Variants in NRXN3 observed in about 807,000 individuals in gnomAD.
The protein encoded by NRXN3 is neurexin 3.
In NRXN3, 32 loss-of-function variants were observed where a neutral mutation model predicts 137.6. That is an observed-to-expected ratio of 0.23 (90% CI 0.18 to 0.31). The LOEUF is 0.31. Ranked by LOEUF, NRXN3 falls within the 10% of genes least tolerant of loss-of-function variation. The probability of loss-of-function intolerance (pLI) is 1.00; values close to 1 mark genes in which losing one functional copy is unlikely to be tolerated. For synonymous variants in NRXN3, 798 were observed against 784.5 expected (o/e 1.02, Z -0.29); for missense variants, 1,574 against 2,062.5 (o/e 0.76, Z 4.59).
At chr14:78,675,241 CAGAAG>C (rs1307204190) in intron 6 of NRXN3, among the ~76,000 whole-genome samples, 1 of 152,152 alleles carries the variant, frequency 6.6e-6, no homozygotes, top group Admixed American at 6.5e-5. Flanking sequence ...GCATTGGAGA[CAGAAG>C]AGAATCTCCC....
intron 15 of NRXN3, among the ~76,000 whole-genome samples, chr14:79,184,807 C>A (rs1275785066): frequency 6.6e-6 from 1 of 152,130 alleles, no homozygotes; most frequent in African/African-American, 2.4e-5. Context: ...TATTGGCAAT[C>A]CCTAATGGAA....
At chr14:79,118,348 T>G (rs2054820871) in intron 15 of NRXN3, among the ~76,000 whole-genome samples, 1 of 152,234 alleles carries the variant, frequency 6.6e-6, no homozygotes, top group Non-Finnish European at 1.5e-5. Context: ...GGGCTGTGCC[T>G]TCTGAAACTT....
rs1567778489 is a variant in NRXN3 at position 78,943,629 on chromosome 14, T to TATAA, written c.2276-13610_2276-13609insAATA. Among the ~76,000 whole-genome samples the TATAA allele has an allele frequency of 5.7e-3, 68 of 11,840 alleles. 2 individuals are homozygous for TATAA. Among genetic ancestry groups the TATAA allele is most frequent in the African/African-American group, 0.026 (67 of 2,536 alleles). 7.8% of individuals were successfully genotyped at this position (11,840 alleles called of 152,430 possible). Reference sequence around the variant, plus strand: ...CACTGTTAAAAAAAAAAAATATATATATATATATATATATATATATATATA... The same window carrying TATAA: ...CACTGTTAAAAAAAAAAAATATATATATAAATATATATATATATATATATATATA... On this transcript the variant is annotated intron_variant, in intron 10 of 20. Coordinates refer to ENST00000335750, the MANE Select transcript of NRXN3 (RefSeq NM_001330195.2).
intron 20 of NRXN3, among the ~76,000 whole-genome samples, chr14:79,847,881 T>C (rs1376680235): frequency 7.2e-6 from 1 of 138,486 alleles, no homozygotes. Flanking sequence ...CCAGGAATTC[T>C]TTTTTTTTTT....
intron 17 of NRXN3, among the ~76,000 whole-genome samples, chr14:79,680,600 G>GT (rs2098665497): frequency 6.6e-6 from 1 of 151,978 alleles, no homozygotes; most frequent in Admixed American, 6.6e-5. Flanking sequence ...AGTATTCAAA[G>GT]GGTATTCATA....
intron 4 of NRXN3, among the ~76,000 whole-genome samples, chr14:78,512,075 A>G (rs1044098453): frequency 1.3e-5 from 2 of 152,138 alleles, no homozygotes; most frequent in South Asian, 2.1e-4. Context: ...GGTCACAATA[A>G]TTCCCCTTGC....
rs141178341 is a variant in NRXN3 at position 78,575,195 on chromosome 14, C to T, written c.758-69925C>T. Among the ~76,000 whole-genome samples the T allele has an allele frequency of 5.6e-3, 855 of 152,300 alleles. 6 individuals carry two copies. Among genetic ancestry groups the T allele is most frequent in the African/African-American group, 0.02 (815 of 41,550 alleles). The stretch of plus-strand genomic sequence containing the variant: ...ATGTGGAACTGTGAGTCAATTAAAC[C>T]TCTTTTCTTTGTACATTTATAAATT... On this transcript the variant is annotated intron_variant, in intron 4 of 20. Transcript: ENST00000335750.
chr14:78,567,875 G>A (rs1297722042), intron 4 of NRXN3, among the ~76,000 whole-genome samples: 2 of 152,024 alleles, frequency 1.3e-5, no homozygotes, highest in Admixed American at 6.5e-5. Context: ...ATTCATCTTC[G>A]TTGCCTGCAG....
At chr14:78,630,507 A>G (rs976356800) in intron 4 of NRXN3, among the ~76,000 whole-genome samples, 17 of 152,132 alleles carry the variant, frequency 1.1e-4, no homozygotes, top group African/African-American at 4.1e-4. Flanking sequence ...CATAGATCCT[A>G]CATAAATATT....
intron 15 of NRXN3, among the ~76,000 whole-genome samples, chr14:79,290,426 G>A (rs2082980325): frequency 6.6e-6 from 1 of 152,140 alleles, no homozygotes; most frequent in South Asian, 2.1e-4. Context: ...AAAGGAGGAG[G>A]AGACAGGCAG....
intron 15 of NRXN3, among the ~76,000 whole-genome samples, chr14:79,199,666 A>G (rs948511043): frequency 5.9e-5 from 9 of 152,230 alleles, no homozygotes; most frequent in African/African-American, 2.2e-4. Context: ...GAGGAAGACC[A>G]CCACTATTCC....
chr14:79,147,183 C>T (rs1283866254), intron 15 of NRXN3, among the ~76,000 whole-genome samples: 2 of 152,108 alleles, frequency 1.3e-5, no homozygotes, highest in Non-Finnish European at 2.9e-5. Context: ...TTCTCTTAAC[C>T]CTGCAGTGAC....
chr14:78,998,874 G>A (rs2099535830), intron 15 of NRXN3, among the ~76,000 whole-genome samples: 1 of 151,648 alleles, frequency 6.6e-6, no homozygotes, highest in East Asian at 1.9e-4. Flanking sequence ...AAAGTGCTGG[G>A]ATTACAGGCG....
chr14:78,334,699 C>G (rs910847009), intron 4 of NRXN3, among the ~76,000 whole-genome samples: 8 of 152,062 alleles, frequency 5.3e-5, no homozygotes, highest in African/African-American at 1.9e-4. Flanking sequence ...AGTTTACGTA[C>G]CACAGTCTGA....
At chr14:79,144,048 T>C (rs983557856) in intron 15 of NRXN3, among the ~76,000 whole-genome samples, 2 of 152,182 alleles carry the variant, frequency 1.3e-5, no homozygotes, top group African/African-American at 2.4e-5. Context: ...ACTTCATTGT[T>C]AGAAATAGCC....
intron 8 of NRXN3, among the ~76,000 whole-genome samples, chr14:78,787,221 T>C (rs2098791792): frequency 6.6e-6 from 1 of 152,178 alleles, no homozygotes; most frequent in African/African-American, 2.4e-5. Context: ...GTGAAACAAC[T>C]GCCAGGAAGA....
intron 4 of NRXN3, chr14:78,403,775 G>C: frequency 1.0e-6 from 1 of 985,498 alleles, no homozygotes; most frequent in Non-Finnish European, 1.2e-6. Context: ...TGAGGAATGT[G>C]GTGGTCCCTC....
chr14:79,668,320 G>T (rs1247937821), intron 17 of NRXN3, among the ~76,000 whole-genome samples: 1 of 152,042 alleles, frequency 6.6e-6, no homozygotes, highest in African/African-American at 2.4e-5. Context: ...AGTACTTATT[G>T]ATGACCAAAA....
intron 10 of NRXN3, among the ~76,000 whole-genome samples, chr14:78,865,237 T>A (rs772871875): frequency 1.3e-5 from 2 of 152,220 alleles, no homozygotes; most frequent in South Asian, 2.1e-4. Context: ...TTACAATTGA[T>A]CTATTGGCCA....
Sources: allele counts gnomAD v4.1 joint callset (sites outside exome capture counted in the v4.1 genomes callset), GRCh38; gene constraint gnomAD v4.1.1; transcripts MANE v1.5; gene names NCBI Gene and HGNC (gene_info 2026-07-23, HGNC 2026-07-21).